Variants in RAB44 observed in about 807,000 individuals in gnomAD.
The protein encoded by RAB44 is ras-related protein Rab-44.
A neutral mutation model predicts 93.3 loss-of-function variants in RAB44; 67 were observed. The ratio of observed to expected loss-of-function variants is 0.72; its 90% CI spans 0.59 to 0.88. The LOEUF is 0.88. Among genes scored for constraint, RAB44 ranks in the 40% least tolerant of loss-of-function variants. The pLI, the probability that RAB44 is intolerant of heterozygous loss-of-function variation, is 0.00. For synonymous variants in RAB44, 427 were observed against 520.3 expected (o/e 0.82, Z 2.44); for missense variants, 1,064 against 1,261.7 (o/e 0.84, Z 2.37).
intron 4 of RAB44, among the ~76,000 whole-genome samples, chr6:36,716,837 CT>C (rs913748321): frequency 4.6e-5 from 7 of 152,230 alleles, no homozygotes; most frequent in African/African-American, 1.7e-4. Context: ...GTGGCAGGCC[CT>C]GAGCTGGTGC....
Position 36,720,491 on chromosome 6 carries a change from CA to C in RAB44, c.958del (p.Arg320GlyfsTer19), listed in dbSNP as rs973995502. 8 of 1,233,158 alleles carry C rather than the reference CA, an allele frequency of 6.5e-6. No individual in the cohort carries two copies. The highest frequency in any genetic ancestry group is 1.6e-5 in the African/African-American group (1 of 64,424). 76.4% of individuals were successfully genotyped at this position (1,233,158 alleles called of 1,614,324 possible). A position where few individuals can be genotyped will look rare whatever the true frequency, so the allele number is the denominator to read the frequency against. ...EEVRGQLQVTRGRLDAARGRV... is the reference protein window; with the variant it reads ...EEVRGQLQVTXGRLDAARGRV... ...AGGTGCGGGGGCAGCTGCAGGTGAC[CA>C]GGGGGCGCCTGGACGCCGCCAGGGG... On this transcript the variant is annotated frameshift_variant, in exon 8 of 14. Transcript: ENST00000612677. LOFTEE classifies it high-confidence loss of function.
intron 2 of RAB44, 37 bp downstream of exon 2, chr6:36,704,479 T>C (rs563474312): frequency 6.6e-7 from 1 of 1,510,806 alleles, no homozygotes; most frequent in African/African-American, 1.4e-5. Flanking sequence ...CTGAATCCCT[T>C]TTCCGCAGCT....
chr6:36,723,353 T>C (rs1451393311), intron 9 of RAB44, among the ~76,000 whole-genome samples: 1 of 152,208 alleles, frequency 6.6e-6, no homozygotes, highest in Non-Finnish European at 1.5e-5. Context: ...TGTCAAGATC[T>C]TAGAATCATA....
chr6:36,717,203 G>A lies in RAB44; in HGVS notation c.495-70G>A. On this transcript the variant is annotated intron_variant, in intron 4 of 13. Coordinates refer to ENST00000612677, the MANE Select transcript of RAB44 (RefSeq NM_001257357.2). The surrounding 1 kb of genome is among the most constrained non-coding windows in gnomAD (Gnocchi z 4.1). ...GCGCTGCAGTGAAAACTGAGGAGTG[G>A]GGCTCCCCTTGCTTCTCCATCCCAC... is the stretch of plus-strand genomic sequence containing the variant. 5 of 1,221,990 alleles carry A rather than the reference G, an allele frequency of 4.1e-6. No homozygotes were observed. Among genetic ancestry groups the A allele is most frequent in the Non-Finnish European group, 5.1e-6 (5 of 979,306 alleles). 75.7% of individuals were successfully genotyped at this position (1,221,990 alleles called of 1,614,324 possible).
At chr6:36,718,153 T>A in intron 6 of RAB44, 35 bp downstream of exon 6, 1 of 1,205,324 alleles carries the variant, frequency 8.3e-7, no homozygotes. Flanking sequence ...TCCTTCCCAC[T>A]GCCCGGGACA....
intron 2 of RAB44, among the ~76,000 whole-genome samples, chr6:36,713,149 A>G (rs903940545): frequency 2.0e-5 from 3 of 152,236 alleles, no homozygotes; most frequent in Non-Finnish European, 4.4e-5. Context: ...CCTGTAGGCC[A>G]TGATATATAA....
chr6:36,712,525 C>G (rs576029712), intron 2 of RAB44, among the ~76,000 whole-genome samples: 6 of 152,160 alleles, frequency 3.9e-5, no homozygotes, highest in South Asian at 2.1e-4. Context: ...CCACAATGCC[C>G]GGCTAGTTTT....
intron 9 of RAB44, among the ~76,000 whole-genome samples, chr6:36,723,472 G>T (rs7739920): frequency 6.6e-6 from 1 of 151,996 alleles, no homozygotes; most frequent in South Asian, 2.1e-4. Context: ...AGAAATGGCC[G>T]AAAGCAGAGA....
rs1763109735 is a variant in RAB44 at position 36,722,276 on chromosome 6, C to CT, written c.2143dup (p.Ser715PhefsTer56). Reference sequence around the variant, plus strand: ...CGCATTCGGAACTCCCCCAGCAAGACTCTCTGCTTGTTTCTCTCCCATCTG... The same window carrying CT: ...CGCATTCGGAACTCCCCCAGCAAGACTTCTCTGCTTGTTTCTCTCCCATCTG... On this transcript the variant is annotated frameshift_variant, in exon 9 of 14. Coordinates refer to ENST00000612677, the MANE Select transcript of RAB44 (RefSeq NM_001257357.2). LOFTEE classifies it high-confidence loss of function. 3.9e-6 allele frequency: 5 copies of CT among 1,293,778 alleles called. No homozygotes were observed. The South Asian group carries it at 1.5e-4, about 38-fold the overall frequency. 80.1% of individuals were successfully genotyped at this position (1,293,778 alleles called of 1,614,324 possible).
At chr6:36,723,502 A>G (rs1246725934) in intron 9 of RAB44, among the ~76,000 whole-genome samples, 1 of 152,118 alleles carries the variant, frequency 6.6e-6, no homozygotes, top group African/African-American at 2.4e-5. Context: ...CCCTAAAAGT[A>G]TCAGGATATG....
At chr6:36,727,377 A>C (rs1236560024) in intron 10 of RAB44, among the ~76,000 whole-genome samples, 200 bp from the exon 11 acceptor site, 1 of 152,196 alleles carries the variant, frequency 6.6e-6, no homozygotes, top group East Asian at 1.9e-4. Flanking sequence ...CTTTTCATTG[A>C]GTTCTCCTTG....
intron 2 of RAB44, among the ~76,000 whole-genome samples, chr6:36,710,704 C>T (rs140635323): frequency 4.6e-4 from 70 of 151,958 alleles, no homozygotes; most frequent in African/African-American, 1.6e-3. Flanking sequence ...CCGCAACCTC[C>T]GCCTCCTGGG....
chr6:36,718,242 C>T (rs2150334828), intron 6 of RAB44, 124 bp downstream of exon 6: 1 of 580,440 alleles, frequency 1.7e-6, no homozygotes, highest in Non-Finnish European at 2.5e-6. Flanking sequence ...CCTCTCCCTG[C>T]CCTGAGCAGC....
At position 36,725,888 on chromosome 6, in the gene RAB44, C is replaced by T; in HGVS notation, c.2626C>T (p.Leu876=). ...VGVDFRVKTL[L]VDNKCFVLQL... is the part of the protein sequence containing the mutation. ...AGTAGATTTTCGGGTCAAAACCTTG[C>T]TGGTGGACAACAAGTGCTTTGTGCT... is the stretch of plus-strand genomic sequence containing the variant. The change falls in exon 10 of 14, where the codon CTG becomes TTG. Residue 876 remains leucine, a synonymous_variant. Coordinates refer to ENST00000612677, the MANE Select transcript of RAB44 (RefSeq NM_001257357.2). 6.4e-7 allele frequency: 1 copy of T among 1,550,632 alleles called. No homozygotes were observed.
At position 36,721,275 on chromosome 6, in the gene RAB44, C is replaced by T. The variant is rs1378426094; in HGVS notation, c.1141C>T (p.Pro381Ser). 8.1e-7 allele frequency: 1 copy of T among 1,234,198 alleles called. No individual in the cohort carries two copies. The highest frequency in any genetic ancestry group is 1.6e-5 in the African/African-American group (1 of 64,436). 76.5% of individuals were successfully genotyped at this position (1,234,198 alleles called of 1,614,324 possible). Residue 381 changes from proline to serine, a missense_variant, in exon 9 of 14, where the codon CCG becomes TCG. Coordinates refer to ENST00000612677, the MANE Select transcript of RAB44 (RefSeq NM_001257357.2). ...DQLLSNFGSPPHGALQLCWSP... is the reference protein window; with the variant it reads ...DQLLSNFGSPSHGALQLCWSP... Reference sequence around the variant, plus strand: ...GCTACTGAGCAACTTTGGCAGCCCTCCGCACGGAGCCCTGCAGCTCTGCTG... The same window carrying T: ...GCTACTGAGCAACTTTGGCAGCCCTTCGCACGGAGCCCTGCAGCTCTGCTG...
chr6:36,699,957 C>T (rs143779083), intron 1 of RAB44, among the ~76,000 whole-genome samples: 38 of 152,250 alleles, frequency 2.5e-4, no homozygotes, highest in African/African-American at 8.2e-4. Context: ...GTGTGCCAAG[C>T]GCTGTTCTAG....
In RAB44 at chr6:36,725,630, A is replaced by G. The variant is rs116418837; in HGVS notation, c.2600-232A>G. Reference sequence around the variant, plus strand: ...CTGGGTGGCCTAAGGAATGAACAACATAGACAAGGTGCCCTGTGTTGGCAC... The same window carrying G: ...CTGGGTGGCCTAAGGAATGAACAACGTAGACAAGGTGCCCTGTGTTGGCAC... On this transcript the variant is annotated intron_variant, in intron 9 of 13. Coordinates refer to ENST00000612677, the MANE Select transcript of RAB44 (RefSeq NM_001257357.2). Among the ~76,000 whole-genome samples, 329 of 152,354 alleles carry G rather than the reference A, an allele frequency of 2.2e-3. 1 individual carries two copies. The highest frequency in any genetic ancestry group is 6.4e-3 in the Admixed American group (98 of 15,298).
intron 10 of RAB44, 144 bp from the exon 11 acceptor site, chr6:36,727,433 A>G: frequency 5.1e-6 from 3 of 592,210 alleles, no homozygotes; most frequent in Non-Finnish European, 9.1e-6. Context: ...CTAGTCAACA[A>G]TAACTACACT....
chr6:36,720,210 G>A (rs531518971), intron 7 of RAB44, among the ~76,000 whole-genome samples, 153 bp from the exon 8 acceptor site: 29 of 151,810 alleles, frequency 1.9e-4, no homozygotes, highest in South Asian at 2.1e-4. Flanking sequence ...GTTAGGCCAA[G>A]GAGGGATAAC....
Sources: allele counts gnomAD v4.1 joint callset (sites outside exome capture counted in the v4.1 genomes callset), GRCh38; gene constraint gnomAD v4.1.1; non-coding constraint Gnocchi (gnomAD v3.1); transcripts MANE v1.5; gene names NCBI Gene and HGNC (gene_info 2026-07-23, HGNC 2026-07-21).